The following TOM1L1 variants were observed in gnomAD, a reference collection of about 807,000 sequenced individuals.
The protein encoded by TOM1L1 is target of myb1 like 1 membrane trafficking protein.
TOM1L1 carries 64 observed loss-of-function variants against 63.4 expected under a neutral mutation model. The ratio of observed to expected loss-of-function variants is 1.01; its 90% CI spans 0.83 to 1.24. TOM1L1 has a LOEUF of 1.24. Among genes scored for constraint, TOM1L1 ranks in the 50% most tolerant of loss-of-function variants. The pLI is 0.00. For synonymous variants in TOM1L1, 166 were observed against 194.4 expected (o/e 0.85, Z 1.22); for missense variants, 536 against 567.0 (o/e 0.95, Z 0.55).
chr17:54,930,337 T>C (rs989506806), intron 8 of TOM1L1, 131 bp downstream of exon 8: 12 of 1,307,224 alleles, frequency 9.2e-6, no homozygotes, highest in Non-Finnish European at 1.3e-5. Context: ...GGAAAGGTAT[T>C]GGCATGTGGG....
chr17:54,925,676 G>A (rs1321774963), intron 7 of TOM1L1, among the ~76,000 whole-genome samples: 28 of 152,112 alleles, frequency 1.8e-4, no homozygotes, highest in Admixed American at 1.7e-3. Context: ...GGCCAAGGTG[G>A]GCAGATCACC....
Position 54,937,203 on chromosome 17 carries a change from T to C in TOM1L1, c.1010T>C (p.Met337Thr), listed in dbSNP as rs1027341429. The part of the protein sequence containing the change: ...PRATLGELNT[M>T]NNQLSGLNFS... The stretch of plus-strand genomic sequence containing the variant: ...GCCACTCTGGGAGAACTCAACACCA[T>C]GAATAATCAACTTTCAGGCTTAAGT... Residue 337 changes from methionine to threonine, a missense_variant, in exon 10 of 16, where the codon ATG becomes ACG. Coordinates refer to ENST00000575882, the MANE Select transcript of TOM1L1 (RefSeq NM_005486.3). 1 of 1,613,314 alleles carries C rather than the reference T, an allele frequency of 6.2e-7. No homozygotes were observed. The highest frequency in any genetic ancestry group is 1.3e-5 in the African/African-American group (1 of 74,960).
At chr17:54,956,074 C>T (rs1006948076) in intron 14 of TOM1L1, among the ~76,000 whole-genome samples, 1 of 152,146 alleles carries the variant, frequency 6.6e-6, no homozygotes, top group African/African-American at 2.4e-5. Context: ...ATCTGGGGTA[C>T]CAGACTTGTT....
chr17:54,914,777 C>G (rs753024081), intron 6 of TOM1L1, 34 bp downstream of exon 6: 1 of 1,519,366 alleles, frequency 6.6e-7, no homozygotes, highest in Non-Finnish European at 9.1e-7. Flanking sequence ...TAATTGATGT[C>G]TTTTCCTGAT....
intron 14 of TOM1L1, among the ~76,000 whole-genome samples, chr17:54,951,039 G>C (rs2049219459): frequency 6.6e-6 from 1 of 152,068 alleles, no homozygotes; most frequent in South Asian, 2.1e-4. Flanking sequence ...TGAGAGCTCA[G>C]TCCCCACCAC....
At chr17:54,935,938 C>G (rs2048938037) in intron 8 of TOM1L1, among the ~76,000 whole-genome samples, 1 of 152,100 alleles carries the variant, frequency 6.6e-6, no homozygotes, top group Non-Finnish European at 1.5e-5. Flanking sequence ...GCCTGACCAA[C>G]ATGGAGAAAC....
chr17:54,903,559 T>TACTGAGA, intron 1 of TOM1L1, 149 bp from the exon 2 acceptor site: 1 of 681,062 alleles, frequency 1.5e-6, no homozygotes, highest in South Asian at 1.7e-5. Context: ...ATTCCTGAAT[T>TACTGAGA]ACTGAGAACT....
At chr17:54,912,225 T>C (rs1482960446) in intron 3 of TOM1L1, among the ~76,000 whole-genome samples, 3 of 152,182 alleles carry the variant, frequency 2.0e-5, no homozygotes, top group Non-Finnish European at 2.9e-5. Flanking sequence ...TAAGGGCCTA[T>C]AGCTGGGGTG....
intron 11 of TOM1L1, among the ~76,000 whole-genome samples, chr17:54,945,180 A>T (rs2049096756): frequency 1.3e-5 from 2 of 152,220 alleles, no homozygotes; most frequent in African/African-American, 4.8e-5. Flanking sequence ...ATGTGTCCCA[A>T]ATCTCCCTCT....
intron 12 of TOM1L1, 119 bp downstream of exon 12, chr17:54,947,431 T>C (rs2049138810): frequency 3.5e-6 from 4 of 1,151,862 alleles, no homozygotes; most frequent in Admixed American, 4.1e-5. Context: ...GCGCAGCCCC[T>C]GTTAGCAAGA....
At chr17:54,942,288 G>C (rs1214848990) in intron 11 of TOM1L1, 2 of 129,848 alleles carry the variant, frequency 1.5e-5, no homozygotes, top group African/African-American at 3.0e-5. Context: ...TGTATTTTTA[G>C]TAGAGACCTG....
intron 8 of TOM1L1, among the ~76,000 whole-genome samples, chr17:54,932,462 TTTGAG>T (rs1386969711): frequency 6.6e-6 from 1 of 152,158 alleles, no homozygotes; most frequent in African/African-American, 2.4e-5. Context: ...CATTTCTGCC[TTTGAG>T]TTTTTACTTT....
At chr17:54,958,748 A>AAAAAAG (rs372776781) in intron 14 of TOM1L1, among the ~76,000 whole-genome samples, 5,412 of 118,508 alleles carry the variant, frequency 0.046, 513 homozygotes, top group African/African-American at 0.16. Context: ...AAAAAAAAAA[A>AAAAAAG]GGGGTTGTTG....
chr17:54,940,799 A>G (rs955997804), intron 11 of TOM1L1, among the ~76,000 whole-genome samples: 1 of 152,128 alleles, frequency 6.6e-6, no homozygotes, highest in Non-Finnish European at 1.5e-5. Flanking sequence ...ACAGGAAGGA[A>G]AAAACTGAAA....
chr17:54,945,885 T>C (rs917431224), intron 11 of TOM1L1, among the ~76,000 whole-genome samples: 5 of 152,224 alleles, frequency 3.3e-5, no homozygotes, highest in African/African-American at 1.2e-4. Flanking sequence ...TCTGTTATTG[T>C]CTTCTCATGC....
At chr17:54,906,904 C>A in intron 3 of TOM1L1, 1 of 712,086 alleles carries the variant, frequency 1.4e-6, no homozygotes, top group Non-Finnish European at 1.7e-6. Context: ...CAGCCCAAGA[C>A]TGTGCATGGT....
chr17:54,915,177 A>G (rs186868058), intron 6 of TOM1L1, among the ~76,000 whole-genome samples: 1 of 152,338 alleles, frequency 6.6e-6, no homozygotes, highest in Non-Finnish European at 1.5e-5. Flanking sequence ...ACCGATAAAC[A>G]ATTATTATAT....
chr17:54,926,729 T>C (rs1188828983), intron 7 of TOM1L1, among the ~76,000 whole-genome samples: 1 of 152,206 alleles, frequency 6.6e-6, no homozygotes, highest in Non-Finnish European at 1.5e-5. Flanking sequence ...GTGTAAGATA[T>C]TAAGAGTAGA....
chr17:54,930,134 A>T lies in TOM1L1; in HGVS notation c.782A>T (p.Glu261Val), dbSNP rs75347411. ...ATCATGGACCTGCTTGTGGTGGTGG[A>T]GAACGAAGATGTAACTGTTGAGCTA... ...ERIMDLLVVVENEDVTVELIQ... is the reference protein window; with the variant it reads ...ERIMDLLVVVVNEDVTVELIQ... The change falls in exon 8 of 16, where the codon GAG becomes GTG. Residue 261 changes from glutamate to valine, a missense_variant. Transcript: ENST00000575882. The T allele has an allele frequency of 3.7e-6, 6 of 1,613,992 alleles. No homozygotes were observed. The African/African-American group carries it at 4.0e-5, about 11-fold the overall frequency.
Sources: gnomAD v4.1 joint callset for allele counts (sites outside exome capture counted in the v4.1 genomes callset) on GRCh38, gnomAD v4.1.1 for gene constraint, MANE v1.5 for transcripts, NCBI Gene and HGNC (gene_info 2026-07-23, HGNC 2026-07-21) for gene names.